The following ELP4 variants were observed in gnomAD, a reference collection of about 807,000 sequenced individuals.
ELP4 encodes the protein elongator acetyltransferase complex subunit 4, also known as elongator complex protein 4.
A neutral mutation model predicts 48.9 loss-of-function variants in ELP4; 51 were observed. That is an observed-to-expected ratio of 1.04 (90% CI 0.83 to 1.32). ELP4 has a LOEUF of 1.32. Among genes scored for constraint, ELP4 ranks in the 40% most tolerant of loss-of-function variants. The pLI, the probability that ELP4 is intolerant of heterozygous loss-of-function variation, is 0.00. For synonymous variants in ELP4, 210 were observed against 189.2 expected (o/e 1.11, Z -0.90); for missense variants, 519 against 514.6 (o/e 1.01, Z -0.08).
chr11:31,713,866 T>C (rs1258783926), intron 9 of ELP4, among the ~76,000 whole-genome samples: 1 of 152,144 alleles, frequency 6.6e-6, no homozygotes. Flanking sequence ...ACAGGGAAAC[T>C]AAACATACAA....
intron 9 of ELP4, chr11:31,652,173 A>T (rs2134076634): frequency 6.6e-6 from 1 of 151,836 alleles, no homozygotes; most frequent in African/African-American, 2.4e-5. Flanking sequence ...CTATATACTC[A>T]AACTCTGCAC....
chr11:31,544,000 G>A (rs1956642949), intron 3 of ELP4, among the ~76,000 whole-genome samples: 1 of 152,190 alleles, frequency 6.6e-6, no homozygotes, highest in Non-Finnish European at 1.5e-5. Context: ...TGCCAAATGT[G>A]GAAAAAGATC....
intron 1 of ELP4, among the ~76,000 whole-genome samples, chr11:31,514,001 A>G (rs532142896): frequency 1.3e-5 from 2 of 152,128 alleles, no homozygotes; most frequent in Non-Finnish European, 2.9e-5. Context: ...TTTGATTCTC[A>G]TGTTTGCCCA....
rs186855905 is a variant in ELP4 at position 31,579,261 on chromosome 11, C to T, written c.382-15509C>T. Among the ~76,000 whole-genome samples, 528 of 152,104 alleles carry T rather than the reference C, an allele frequency of 3.5e-3. 3 individuals carry two copies. Among genetic ancestry groups the T allele is most frequent in the African/African-American group, 0.011 (451 of 41,486 alleles). On this transcript the variant is annotated intron_variant, in intron 3 of 9. Coordinates refer to ENST00000640961, the MANE Select transcript of ELP4 (RefSeq NM_019040.5). ...TACCATCTCACACCAGTTAGAATGG[C>T]GATCATTAAAAAGTCAGGAAAGAAC...
chr11:31,741,197 C>T (rs574562781), intron 9 of ELP4, among the ~76,000 whole-genome samples: 5 of 152,144 alleles, frequency 3.3e-5, no homozygotes, highest in South Asian at 2.1e-4. Flanking sequence ...AGGGGAGGGG[C>T]GCCCGCCATA....
At chr11:31,776,006 T>C (rs1464275931) in intron 9 of ELP4, among the ~76,000 whole-genome samples, 2 of 151,736 alleles carry the variant, frequency 1.3e-5, no homozygotes, top group African/African-American at 4.8e-5. Flanking sequence ...AAAAAATCAG[T>C]TGGACTTGGT....
intron 9 of ELP4, among the ~76,000 whole-genome samples, chr11:31,693,054 C>T (rs1452095520): frequency 6.6e-6 from 1 of 152,140 alleles, no homozygotes; most frequent in Non-Finnish European, 1.5e-5. Context: ...TGACACATGG[C>T]TCGTGCCCCA....
intron 3 of ELP4, among the ~76,000 whole-genome samples, chr11:31,568,092 A>T (rs1217962672): frequency 6.6e-6 from 1 of 152,240 alleles, no homozygotes; most frequent in Non-Finnish European, 1.5e-5. Flanking sequence ...TAAACTGATA[A>T]ATGACTTCAG....
chr11:31,546,610 G>C (rs1434350987), intron 3 of ELP4, among the ~76,000 whole-genome samples: 1 of 152,076 alleles, frequency 6.6e-6, no homozygotes, highest in Non-Finnish European at 1.5e-5. Context: ...CCCAGGAATT[G>C]AATTCAGCTC....
At position 31,749,555 on chromosome 11, in the gene ELP4, C is replaced by G. The variant is rs909298314; in HGVS notation, c.1144-33838C>G. On this transcript the variant is annotated intron_variant, in intron 9 of 9. Transcript: ENST00000640961. ...TCTGTCAGTGATTTCTAATTTTAAC[C>G]AATGATCTTTAAAACATCGATTATT... Among the ~76,000 whole-genome samples the G allele has an allele frequency of 1.6e-4, 25 of 152,162 alleles. No individual in the cohort carries two copies. In the South Asian group the frequency reaches 3.7e-3, roughly 23 times the overall value.
intron 9 of ELP4, among the ~76,000 whole-genome samples, chr11:31,758,163 A>G (rs1947870752): frequency 6.6e-6 from 1 of 152,228 alleles, no homozygotes; most frequent in Non-Finnish European, 1.5e-5. Flanking sequence ...GTGGTTCTAC[A>G]GATCTTTCAA....
chr11:31,657,017 G>A (rs1381020359), intron 9 of ELP4, among the ~76,000 whole-genome samples: 1 of 151,982 alleles, frequency 6.6e-6, no homozygotes, highest in Non-Finnish European at 1.5e-5. Context: ...ACAAATCACA[G>A]CTATTTCATT....
rs1388032013 is a variant in ELP4, at chr11:31,650,143, G to T, written c.1065G>T (p.Arg355=). ...TGATTCATATACGGCAGATTCCTCGGCTTAATAACTTGATCTGTGATGAAT... is the reference window on the plus strand; with the variant it reads ...TGATTCATATACGGCAGATTCCTCGTCTTAATAACTTGATCTGTGATGAAT... ...HGLIHIRQIP[R]LNNLICDESD... The change falls in exon 9 of 10, where the codon CGG becomes CGT. Residue 355 remains arginine, a synonymous_variant. Coordinates refer to ENST00000640961, the MANE Select transcript of ELP4 (RefSeq NM_019040.5). 5 of 1,529,206 alleles carry T rather than the reference G, an allele frequency of 3.3e-6. No homozygotes were observed. The African/African-American group carries it at 6.9e-5, about 21-fold the overall frequency. 94.7% of individuals were successfully genotyped at this position (1,529,206 alleles called of 1,614,324 possible). A position where few individuals can be genotyped will look rare whatever the true frequency, so the allele number is the denominator to read the frequency against.
At chr11:31,719,769 A>C in intron 9 of ELP4, 1 of 289,196 alleles carries the variant, frequency 3.5e-6, no homozygotes, top group Non-Finnish European at 6.3e-6. Context: ...GGTTAGGGGT[A>C]AAATATACTG....
chr11:31,738,593 G>C (rs73477603), intron 9 of ELP4, among the ~76,000 whole-genome samples: 1 of 151,880 alleles, frequency 6.6e-6, no homozygotes, highest in South Asian at 2.1e-4. Flanking sequence ...AAAGTTTGCC[G>C]AGCATGGTGG....
intron 2 of ELP4, among the ~76,000 whole-genome samples, chr11:31,532,653 T>G (rs1956413748): frequency 6.6e-6 from 1 of 152,128 alleles, no homozygotes; most frequent in African/African-American, 2.4e-5. Flanking sequence ...TTAAATAGTT[T>G]AGGTTTCTTT....
chr11:31,576,502 G>C (rs543010493), intron 3 of ELP4, among the ~76,000 whole-genome samples: 6 of 152,152 alleles, frequency 3.9e-5, no homozygotes, highest in Admixed American at 3.3e-4. Context: ...TTCTCAGCAC[G>C]ACATCACACT....
At chr11:31,773,584 C>G (rs1302104782) in intron 9 of ELP4, among the ~76,000 whole-genome samples, 1 of 152,140 alleles carries the variant, frequency 6.6e-6, no homozygotes. Context: ...GAGGTTTGGC[C>G]TCAACTTCCA....
At chr11:31,560,684 A>ATTGTTTTATATATATATATAAAACAACG (rs1957005343) in intron 3 of ELP4, among the ~76,000 whole-genome samples, 1 of 108,802 alleles carries the variant, frequency 9.2e-6, no homozygotes, top group Non-Finnish European at 2.0e-5. Flanking sequence ...TAAAGACCAC[A>ATTGTTTTATATATATATATAAAACAACG]TTGTTTTATA....
Sources: gnomAD v4.1 joint callset for allele counts (sites outside exome capture counted in the v4.1 genomes callset) on GRCh38, gnomAD v4.1.1 for gene constraint, MANE v1.5 for transcripts, NCBI Gene and HGNC (gene_info 2026-07-23, HGNC 2026-07-21) for gene names.